MAGI2: variants seen among roughly 807,000 people sequenced by gnomAD.
MAGI2 encodes the protein membrane-associated guanylate kinase, WW and PDZ domain-containing protein 2.
MAGI2 carries 35 observed loss-of-function variants against 133.3 expected under a neutral mutation model. The ratio of observed to expected loss-of-function variants is 0.26; its 90% confidence interval spans 0.20 to 0.35. MAGI2 has a LOEUF of 0.35. MAGI2 is among the 10% of genes least tolerant of loss of function. The pLI is 1.00. For missense variants in MAGI2, 1,636 were observed against 1,863.4 expected (o/e 0.88, Z 2.25); for synonymous variants, 729 against 710.6 (o/e 1.03, Z -0.41).
At chr7:78,601,154 G>A (rs1584796897) in intron 3 of MAGI2, among the ~76,000 whole-genome samples, 2 of 152,220 alleles carry the variant, frequency 1.3e-5, no homozygotes, top group African/African-American at 4.8e-5. Flanking sequence ...ATTCCTCTTA[G>A]TGGTTGGTCC....
chr7:78,200,095 G>A (rs1043859212), intron 11 of MAGI2, among the ~76,000 whole-genome samples: 1 of 152,334 alleles, frequency 6.6e-6, no homozygotes, highest in Non-Finnish European at 1.5e-5. Flanking sequence ...TAAGTGATTT[G>A]CTAAGCTTAA....
intron 16 of MAGI2, among the ~76,000 whole-genome samples, chr7:78,149,970 C>T (rs1823711053): frequency 6.6e-6 from 1 of 152,148 alleles, no homozygotes; most frequent in Admixed American, 6.5e-5. Context: ...TTGGGAATGC[C>T]TAGTGATCTG....
At chr7:78,657,550 T>C (rs568636070) in intron 2 of MAGI2, among the ~76,000 whole-genome samples, 30 of 152,214 alleles carry the variant, frequency 2.0e-4, no homozygotes, top group Non-Finnish European at 4.0e-4. Context: ...AAGTGAAAGA[T>C]GCCAATGTGA....
intron 1 of MAGI2, among the ~76,000 whole-genome samples, chr7:79,205,660 C>T (rs866824249): frequency 1.3e-5 from 2 of 151,398 alleles, no homozygotes; most frequent in Middle Eastern, 6.8e-3. Flanking sequence ...AAAAAGACTA[C>T]AATAATTTAT....
intron 4 of MAGI2, among the ~76,000 whole-genome samples, chr7:78,508,615 C>T (rs1052908735): frequency 6.6e-6 from 1 of 152,148 alleles, no homozygotes; most frequent in African/African-American, 2.4e-5. Context: ...GCTACTCCTG[C>T]GAGTATTCCT....
chr7:79,118,053 T>C (rs1212802336), intron 1 of MAGI2, among the ~76,000 whole-genome samples: 1 of 152,212 alleles, frequency 6.6e-6, no homozygotes, highest in Non-Finnish European at 1.5e-5. Context: ...CTTAGCTTTA[T>C]TAAATGCGAT....
intron 2 of MAGI2, among the ~76,000 whole-genome samples, chr7:78,947,120 GTA>G: frequency 6.6e-6 from 1 of 152,130 alleles, no homozygotes; most frequent in Non-Finnish European, 1.5e-5. Flanking sequence ...ACCATGGACA[GTA>G]ACTAACTCTC....
chr7:78,297,838 G>A (rs1291595569), intron 9 of MAGI2, among the ~76,000 whole-genome samples: 3 of 100,656 alleles, frequency 3.0e-5, no homozygotes, highest in African/African-American at 9.7e-5. Context: ...GTGGGGTGGG[G>A]GGAGGGGGAG....
chr7:78,777,348 A>C (rs561975997), intron 2 of MAGI2, among the ~76,000 whole-genome samples: 24 of 152,340 alleles, frequency 1.6e-4, no homozygotes, highest in Non-Finnish European at 2.8e-4. Flanking sequence ...TTTGTAAAAC[A>C]GTCCTCATAT....
At chr7:79,130,614 T>C (rs952621948) in intron 1 of MAGI2, among the ~76,000 whole-genome samples, 4 of 152,204 alleles carry the variant, frequency 2.6e-5, no homozygotes, top group African/African-American at 9.6e-5. Context: ...TCTCCTCATT[T>C]GTAAGATGAG....
intron 13 of MAGI2, among the ~76,000 whole-genome samples, chr7:78,182,860 G>A (rs1827313383): frequency 6.6e-6 from 1 of 152,138 alleles, no homozygotes; most frequent in Non-Finnish European, 1.5e-5. Flanking sequence ...CAAAGTTCCT[G>A]GCCATAGATT....
chr7:78,866,133 T>G (rs1430264831), intron 2 of MAGI2, among the ~76,000 whole-genome samples: 2 of 152,210 alleles, frequency 1.3e-5, no homozygotes, highest in African/African-American at 4.8e-5. Context: ...TACGGACTGC[T>G]GAAAAACAGA....
intron 16 of MAGI2, among the ~76,000 whole-genome samples, chr7:78,156,896 G>A (rs1824448765): frequency 6.6e-6 from 1 of 151,944 alleles, no homozygotes; most frequent in South Asian, 2.1e-4. Context: ...TGATCCTTGG[G>A]CTCGGGTAAG....
intron 1 of MAGI2, among the ~76,000 whole-genome samples, chr7:79,108,639 A>G (rs1818644035): frequency 6.6e-6 from 1 of 152,044 alleles, no homozygotes; most frequent in Non-Finnish European, 1.5e-5. Context: ...TGCTCTATTC[A>G]TTTTGTCTAG....
chr7:78,464,102 A>G (rs919433825), intron 6 of MAGI2, among the ~76,000 whole-genome samples: 9 of 152,184 alleles, frequency 5.9e-5, no homozygotes, highest in Admixed American at 3.3e-4. Flanking sequence ...TATCATTATC[A>G]TAATTATTGC....
At chr7:79,393,727 C>T (rs1220545402) in intron 1 of MAGI2, among the ~76,000 whole-genome samples, 1 of 152,158 alleles carries the variant, frequency 6.6e-6, no homozygotes, top group Non-Finnish European at 1.5e-5. Flanking sequence ...TTTAATGGCA[C>T]ATTGTTATGT....
chr7:78,804,670 A>G (rs2151391717), intron 2 of MAGI2, among the ~76,000 whole-genome samples: 1 of 150,126 alleles, frequency 6.7e-6, no homozygotes, highest in Admixed American at 6.7e-5. Context: ...AATGGTGTGA[A>G]CCCAGGAGGC....
At chr7:79,251,512 A>T (rs948995190) in intron 1 of MAGI2, among the ~76,000 whole-genome samples, 1 of 152,190 alleles carries the variant, frequency 6.6e-6, no homozygotes, top group Non-Finnish European at 1.5e-5. Context: ...TGATCATAAG[A>T]GAAATGCAAA....
chr7:78,611,102 T>A (rs985475708), intron 3 of MAGI2, among the ~76,000 whole-genome samples: 2 of 152,220 alleles, frequency 1.3e-5, no homozygotes, highest in Admixed American at 6.5e-5. Flanking sequence ...GTATGCAAAG[T>A]ATCAAGTCTG....
Sources: gnomAD v4.1 joint callset for allele counts (sites outside exome capture counted in the v4.1 genomes callset) on GRCh38, gnomAD v4.1.1 for gene constraint, MANE v1.5 for transcripts, NCBI Gene and HGNC (gene_info 2026-07-23, HGNC 2026-07-21) for gene names.